The following LIN7A variants were observed in gnomAD, a reference collection of about 807,000 sequenced individuals.
LIN7A encodes the protein protein lin-7 homolog A.
LIN7A carries 25 observed loss-of-function variants against 29.8 expected under a neutral mutation model. The observed-to-expected ratio is 0.84, with a 90% CI of 0.61 to 1.17. The LOEUF is 1.17. Ranked by LOEUF, LIN7A falls within the 50% of genes most tolerant of loss-of-function variation. The pLI is 0.00. For missense variants in LIN7A, 239 were observed against 287.0 expected, an observed-to-expected ratio of 0.83 and a Z score of 1.21; for synonymous variants, 118 against 107.5, an observed-to-expected ratio of 1.10 and a Z score of -0.60.
chr12:80,889,865 A>G (rs1248805719), intron 1 of LIN7A, among the ~76,000 whole-genome samples: 1 of 152,120 alleles, frequency 6.6e-6, no homozygotes, highest in Non-Finnish European at 1.5e-5. Context: ...TTACCATTGT[A>G]TCCTCAGGGT....
At chr12:80,853,735 C>A (rs1215706223) in intron 2 of LIN7A, among the ~76,000 whole-genome samples, 1 of 151,920 alleles carries the variant, frequency 6.6e-6, no homozygotes, top group South Asian at 2.1e-4. Flanking sequence ...CTCACTCTGT[C>A]ACCCAGGCTG....
At chr12:80,848,224 A>G (rs773226069) in intron 3 of LIN7A, 27 bp downstream of exon 3, 18 of 1,560,758 alleles carry the variant, frequency 1.2e-5, no homozygotes, top group Non-Finnish European at 1.6e-5. Flanking sequence ...GGGGTCAAGT[A>G]TATTTTTAAA....
chr12:80,872,733 C>T (rs74620223), intron 2 of LIN7A, among the ~76,000 whole-genome samples: 3,507 of 152,262 alleles, frequency 0.023, 119 homozygotes, highest in African/African-American at 0.08. Flanking sequence ...CTAGCATTCT[C>T]AATTCTCTCA....
chr12:80,918,313 A>C (rs1009769928), intron 1 of LIN7A, among the ~76,000 whole-genome samples: 2 of 151,858 alleles, frequency 1.3e-5, no homozygotes, highest in Non-Finnish European at 2.9e-5. Context: ...CTCCCACAGT[A>C]CTGGGATTAC....
intron 4 of LIN7A, chr12:80,832,694 C>G: frequency 2.3e-6 from 1 of 433,760 alleles, no homozygotes; most frequent in South Asian, 1.7e-5. Context: ...TAGCTACAAA[C>G]ATGTTGATGC....
chr12:80,837,570 T>C (rs1872635637), intron 4 of LIN7A, among the ~76,000 whole-genome samples: 1 of 152,172 alleles, frequency 6.6e-6, no homozygotes, highest in African/African-American at 2.4e-5. Flanking sequence ...CACAGCCCTG[T>C]TGATGCCTTG....
At chr12:80,914,142 C>T (rs959014605) in intron 1 of LIN7A, among the ~76,000 whole-genome samples, 27 of 152,214 alleles carry the variant, frequency 1.8e-4, no homozygotes, top group African/African-American at 6.5e-4. Flanking sequence ...CCCATTACTC[C>T]TCCTCAAGTT....
chr12:80,881,624 C>T (rs1212603684), intron 2 of LIN7A, among the ~76,000 whole-genome samples: 2 of 111,494 alleles, frequency 1.8e-5, no homozygotes, highest in African/African-American at 2.9e-5. Flanking sequence ...CAAAATAAAG[C>T]TAAGTTATAT....
chr12:80,804,349 C>A (rs746720389), intron 5 of LIN7A, among the ~76,000 whole-genome samples: 101 of 151,862 alleles, frequency 6.7e-4, no homozygotes, highest in Non-Finnish European at 1.8e-4. Context: ...GTTAACCATC[C>A]CCACCTCCCT....
intron 5 of LIN7A, among the ~76,000 whole-genome samples, chr12:80,803,949 A>G (rs1870843792): frequency 6.6e-6 from 1 of 152,222 alleles, no homozygotes; most frequent in African/African-American, 2.4e-5. Context: ...GAATAAGAGC[A>G]AGAGGCTTTA....
At chr12:80,901,477 T>A (rs1876210600) in intron 1 of LIN7A, among the ~76,000 whole-genome samples, 1 of 152,146 alleles carries the variant, frequency 6.6e-6, no homozygotes, top group South Asian at 2.1e-4. Context: ...ACTTAGTACA[T>A]AAAAAACAAT....
At chr12:80,857,745 A>T (rs893975383) in intron 2 of LIN7A, among the ~76,000 whole-genome samples, 2 of 152,208 alleles carry the variant, frequency 1.3e-5, no homozygotes, top group Admixed American at 6.5e-5. Context: ...CAATGCTCAG[A>T]TTAGATGAAG....
intron 2 of LIN7A, among the ~76,000 whole-genome samples, chr12:80,856,278 C>T (rs139493442): frequency 1.0e-3 from 157 of 152,132 alleles, no homozygotes; most frequent in African/African-American, 3.5e-3. Context: ...ACATGTCACC[C>T]GTCGGACAAG....
chr12:80,825,812 GACA>G (rs1173096799), intron 4 of LIN7A, among the ~76,000 whole-genome samples: 1 of 151,912 alleles, frequency 6.6e-6, no homozygotes. Context: ...GTGTCATAGA[GACA>G]ACAATAGATT....
At chr12:80,803,490 C>G (rs1162433863) in intron 5 of LIN7A, among the ~76,000 whole-genome samples, 1 of 152,174 alleles carries the variant, frequency 6.6e-6, no homozygotes, top group Non-Finnish European at 1.5e-5. Flanking sequence ...GTCTATGTGT[C>G]TGTCTTTATG....
intron 1 of LIN7A, among the ~76,000 whole-genome samples, chr12:80,893,501 T>C (rs1024831871): frequency 6.6e-5 from 10 of 152,206 alleles, no homozygotes; most frequent in Non-Finnish European, 1.3e-4. Context: ...CCATTAAGAC[T>C]TATAAAAGCT....
At chr12:80,888,743 T>A (rs915289375) in intron 2 of LIN7A, among the ~76,000 whole-genome samples, 2 of 152,126 alleles carry the variant, frequency 1.3e-5, no homozygotes, top group Non-Finnish European at 1.5e-5. Context: ...TTGTTTCACC[T>A]TAGTCTTCTT....
chr12:80,799,653 A>C lies in LIN7A; in HGVS notation c.*1-1927T>G, dbSNP rs186272709. ...ATGTTTTGATAAGTTGTGGGAACCA[A>C]AAAATCAATCATCTATGCTTCTTCC... On this transcript the variant is annotated intron_variant, in intron 5 of 5. Transcript: ENST00000552864. 1.2e-3 allele frequency among the ~76,000 whole-genome samples: 183 copies of C among 152,366 alleles called. 1 individual carries two copies. The Middle Eastern group carries it at 0.02, about 17-fold the overall frequency.
At chr12:80,813,709 G>A (rs915801804) in intron 4 of LIN7A, among the ~76,000 whole-genome samples, 5 of 152,118 alleles carry the variant, frequency 3.3e-5, no homozygotes, top group Non-Finnish European at 5.9e-5. Flanking sequence ...GGATGATGGA[G>A]AAGCAAAAAG....
Sources: gnomAD v4.1 joint callset for allele counts (sites outside exome capture counted in the v4.1 genomes callset) on GRCh38, gnomAD v4.1.1 for gene constraint, MANE v1.5 for transcripts, NCBI Gene and HGNC (gene_info 2026-07-23, HGNC 2026-07-21) for gene names.